Variants in SGCZ observed in about 807,000 individuals in gnomAD.
SGCZ encodes the protein sarcoglycan zeta.
In SGCZ, 40 loss-of-function variants were observed where a neutral mutation model predicts 41.3. The observed-to-expected ratio is 0.97, with a 90% CI of 0.75 to 1.26. The LOEUF (loss-of-function observed/expected upper bound fraction) is 1.26. SGCZ is among the 50% of genes most tolerant of loss of function. SGCZ has a pLI of 0.00. For synonymous variants in SGCZ, 206 were observed against 137.5 expected (o/e 1.50, Z -3.49); for missense variants, 552 against 369.8 (o/e 1.49, Z -4.04).
intron 1 of SGCZ, among the ~76,000 whole-genome samples, chr8:15,148,687 G>C (rs1260243235): frequency 2.0e-5 from 3 of 152,150 alleles, no homozygotes; most frequent in Non-Finnish European, 2.9e-5. Context: ...ACCCTTTCAA[G>C]TTTCTCAGGT....
At chr8:14,154,098 C>T (rs1228776704) in intron 5 of SGCZ, among the ~76,000 whole-genome samples, 1 of 152,058 alleles carries the variant, frequency 6.6e-6, no homozygotes, top group Non-Finnish European at 1.5e-5. Context: ...TGGCCGGGCC[C>T]GGTGGCTCAT....
chr8:15,207,151 G>C (rs1801094408), intron 1 of SGCZ, among the ~76,000 whole-genome samples: 2 of 152,182 alleles, frequency 1.3e-5, no homozygotes. Flanking sequence ...CGTTAACAGA[G>C]TAAGCGAGAT....
intron 2 of SGCZ, among the ~76,000 whole-genome samples, chr8:14,361,584 GC>G (rs1803512911): frequency 6.6e-6 from 1 of 152,098 alleles, no homozygotes; most frequent in Non-Finnish European, 1.5e-5. Context: ...ATTCATCTAA[GC>G]TTTTTTAAGG....
intron 2 of SGCZ, among the ~76,000 whole-genome samples, chr8:14,461,712 G>C (rs1346579500): frequency 1.3e-5 from 2 of 152,042 alleles, no homozygotes; most frequent in African/African-American, 4.8e-5. Context: ...TCAACGCAAA[G>C]TCCTACAAAA....
intron 1 of SGCZ, among the ~76,000 whole-genome samples, chr8:14,967,020 T>C (rs1277218994): frequency 6.6e-6 from 1 of 152,166 alleles, no homozygotes; most frequent in Non-Finnish European, 1.5e-5. Flanking sequence ...AAATTTTATG[T>C]ATGCCAGGCA....
intron 5 of SGCZ, among the ~76,000 whole-genome samples, chr8:14,148,672 C>A (rs1803602287): frequency 6.6e-6 from 1 of 152,100 alleles, no homozygotes; most frequent in South Asian, 2.1e-4. Flanking sequence ...AGAGGAAATA[C>A]TTCCAAACTC....
At chr8:14,406,981 A>G (rs1799228366) in intron 2 of SGCZ, among the ~76,000 whole-genome samples, 1 of 151,880 alleles carries the variant, frequency 6.6e-6, no homozygotes, top group Non-Finnish European at 1.5e-5. Context: ...AGAACCCTCT[A>G]GGACTAAGCC....
At chr8:14,874,668 C>G (rs1197948573) in intron 1 of SGCZ, among the ~76,000 whole-genome samples, 1 of 152,018 alleles carries the variant, frequency 6.6e-6, no homozygotes, top group Non-Finnish European at 1.5e-5. Flanking sequence ...ATAATAAATT[C>G]CAGTGTGGAT....
intron 2 of SGCZ, among the ~76,000 whole-genome samples, chr8:14,405,400 T>C (rs947571382): frequency 6.6e-6 from 1 of 152,192 alleles, no homozygotes; most frequent in Admixed American, 6.6e-5. Flanking sequence ...TAAAATGCAC[T>C]CAGAAAATAT....
At chr8:14,597,196 C>G (rs1030367351) in intron 1 of SGCZ, among the ~76,000 whole-genome samples, 1 of 152,090 alleles carries the variant, frequency 6.6e-6, no homozygotes, top group Non-Finnish European at 1.5e-5. Context: ...CAAAACCTGG[C>G]TTTATTGAAG....
At chr8:14,544,880 G>A (rs936403567) in intron 2 of SGCZ, among the ~76,000 whole-genome samples, 10 of 152,110 alleles carry the variant, frequency 6.6e-5, no homozygotes, top group Admixed American at 2.0e-4. Flanking sequence ...TCCCTCAGAA[G>A]CATGTGATCT....
rs543390672 is a variant in SGCZ at position 15,125,725 on chromosome 8, C to T, written c.39+111860G>A. Among the ~76,000 whole-genome samples the T allele has an allele frequency of 2.0e-5, 3 of 152,174 alleles. No individual in the cohort carries two copies. In the East Asian group the frequency reaches 5.8e-4, roughly 29 times the overall value. ...TTTTATAATAAATGACTGTTCATTA[C>T]CATGAAGTACTATGTCTACAGTATG... On this transcript the variant is annotated intron_variant, in intron 1 of 7. Coordinates refer to ENST00000382080, the MANE Select transcript of SGCZ (RefSeq NM_139167.4).
At chr8:14,839,692 T>C (rs897326941) in intron 1 of SGCZ, among the ~76,000 whole-genome samples, 2 of 152,180 alleles carry the variant, frequency 1.3e-5, no homozygotes, top group African/African-American at 4.8e-5. Flanking sequence ...TAAATTGTCC[T>C]TTGAGATCGT....
At chr8:14,748,473 T>C (rs937083224) in intron 1 of SGCZ, among the ~76,000 whole-genome samples, 1 of 152,172 alleles carries the variant, frequency 6.6e-6, no homozygotes, top group African/African-American at 2.4e-5. Context: ...TTGCCCCAGG[T>C]ATTCCCCATG....
chr8:15,060,500 G>C (rs10156312), intron 1 of SGCZ, among the ~76,000 whole-genome samples: 133,687 of 134,684 alleles, frequency 0.99, 66,360 homozygotes, highest in East Asian at 1. Context: ...AGGGGAACAT[G>C]ACACACCGGG....
intron 1 of SGCZ, among the ~76,000 whole-genome samples, chr8:14,795,155 G>C (rs1252821000): frequency 6.6e-6 from 1 of 152,038 alleles, no homozygotes; most frequent in African/African-American, 2.4e-5. Context: ...ATGATTGAAT[G>C]GTTAATTAAA....
At chr8:14,680,179 T>G (rs1047850936) in intron 1 of SGCZ, among the ~76,000 whole-genome samples, 3 of 152,064 alleles carry the variant, frequency 2.0e-5, no homozygotes, top group African/African-American at 7.2e-5. Context: ...AGTACAGTGG[T>G]TGCAAGAGGT....
At chr8:14,977,020 A>AT (rs1446564931) in intron 1 of SGCZ, among the ~76,000 whole-genome samples, 5 of 152,244 alleles carry the variant, frequency 3.3e-5, no homozygotes. Context: ...CACATGGAGC[A>AT]TCCTTGAGTC....
intron 1 of SGCZ, among the ~76,000 whole-genome samples, chr8:14,560,751 T>A (rs1047721520): frequency 6.6e-6 from 1 of 152,100 alleles, no homozygotes; most frequent in Non-Finnish European, 1.5e-5. Flanking sequence ...AGCAATAAGA[T>A]TGAAATTTTT....
Sources: allele counts gnomAD v4.1 joint callset (sites outside exome capture counted in the v4.1 genomes callset), GRCh38; gene constraint gnomAD v4.1.1; transcripts MANE v1.5; gene names NCBI Gene and HGNC (gene_info 2026-07-23, HGNC 2026-07-21).